Variants in RAB28 observed in about 807,000 individuals in gnomAD.
RAB28 encodes the protein ras-related protein Rab-28.
A neutral mutation model predicts 31.7 loss-of-function variants in RAB28; 24 were observed. That is an observed-to-expected ratio of 0.76 (90% CI 0.55 to 1.06). RAB28 has a LOEUF of 1.06. Among genes scored for constraint, RAB28 ranks in the 50% least tolerant of loss-of-function variants. RAB28 has a pLI of 0.00. For synonymous variants in RAB28, 100 were observed against 90.4 expected (o/e 1.11, Z -0.60); for missense variants, 254 against 258.5 (o/e 0.98, Z 0.12).
intron 4 of RAB28, among the ~76,000 whole-genome samples, chr4:13,387,331 T>C (rs1489716347): frequency 1.3e-5 from 2 of 152,114 alleles, no homozygotes; most frequent in Non-Finnish European, 2.9e-5. Context: ...TCTGGTCATC[T>C]CACATGTAAT....
At chr4:13,461,579 G>A (rs758622116) in intron 3 of RAB28, among the ~76,000 whole-genome samples, 2 of 152,128 alleles carry the variant, frequency 1.3e-5, no homozygotes, top group African/African-American at 4.8e-5. Flanking sequence ...AAAACTGGAC[G>A]TAATACTGTA....
chr4:13,445,436 G>A (rs1156679251), intron 4 of RAB28, among the ~76,000 whole-genome samples: 1 of 152,118 alleles, frequency 6.6e-6, no homozygotes, highest in Non-Finnish European at 1.5e-5. Context: ...TGGAGGAAAA[G>A]AGGCATTCTG....
intron 4 of RAB28, among the ~76,000 whole-genome samples, chr4:13,405,108 G>T (rs1250544902): frequency 2.0e-5 from 3 of 152,042 alleles, no homozygotes; most frequent in Non-Finnish European, 4.4e-5. Context: ...AGAAGTAAAT[G>T]GTTTGTGCTG....
chr4:13,454,185 T>C (rs536734778), intron 4 of RAB28, among the ~76,000 whole-genome samples: 5 of 152,198 alleles, frequency 3.3e-5, no homozygotes, highest in Non-Finnish European at 5.9e-5. Flanking sequence ...AGATTTCTGA[T>C]TGGTTATGGG....
chr4:13,467,750 G>C (rs1371150516), intron 3 of RAB28, among the ~76,000 whole-genome samples: 1 of 151,752 alleles, frequency 6.6e-6, no homozygotes, highest in Non-Finnish European at 1.5e-5. Flanking sequence ...GCAAAGAATA[G>C]AAAACAAACA....
chr4:13,382,379 T>C (rs532320794), intron 4 of RAB28, among the ~76,000 whole-genome samples: 2 of 152,022 alleles, frequency 1.3e-5, no homozygotes, highest in South Asian at 2.1e-4. Flanking sequence ...ATAAGGCAAA[T>C]ATATTCACAG....
intron 4 of RAB28, among the ~76,000 whole-genome samples, chr4:13,383,852 G>T (rs1429881554): frequency 6.6e-6 from 1 of 152,184 alleles, no homozygotes; most frequent in Non-Finnish European, 1.5e-5. Flanking sequence ...AGACCTGAAT[G>T]ATGCAGGGCA....
intron 4 of RAB28, among the ~76,000 whole-genome samples, chr4:13,445,300 A>T (rs1312961497): frequency 6.6e-6 from 1 of 151,680 alleles, no homozygotes. Context: ...AATGTTCATA[A>T]CTTCTTTGCA....
At chr4:13,461,687 G>T (rs1715597824) in intron 3 of RAB28, among the ~76,000 whole-genome samples, 1 of 152,142 alleles carries the variant, frequency 6.6e-6, no homozygotes, top group Non-Finnish European at 1.5e-5. Flanking sequence ...TGTGTGGGAA[G>T]GAGAAGTATA....
chr4:13,449,960 C>T (rs908644866), intron 4 of RAB28, among the ~76,000 whole-genome samples: 10 of 151,662 alleles, frequency 6.6e-5, no homozygotes, highest in African/African-American at 4.8e-5. Context: ...AAAGGCATAA[C>T]GGATTAAAGA....
intron 4 of RAB28, among the ~76,000 whole-genome samples, chr4:13,431,962 A>G (rs1469893973): frequency 6.6e-6 from 1 of 152,160 alleles, no homozygotes; most frequent in African/African-American, 2.4e-5. Context: ...AATGTCTCAA[A>G]TAACAGATGA....
chr4:13,379,893 A>G (rs73229638), intron 5 of RAB28, among the ~76,000 whole-genome samples: 2,111 of 152,334 alleles, frequency 0.014, 28 homozygotes, highest in Middle Eastern at 0.044. Flanking sequence ...AAGTAATTTC[A>G]TAAGAACAAA....
chr4:13,441,933 T>C (rs1427759890), intron 4 of RAB28, among the ~76,000 whole-genome samples: 2 of 152,310 alleles, frequency 1.3e-5, no homozygotes, highest in African/African-American at 4.8e-5. Context: ...CGTCCTCTAT[T>C]GTTGACATCA....
At chr4:13,444,403 A>G (rs1714593463) in intron 4 of RAB28, among the ~76,000 whole-genome samples, 1 of 152,002 alleles carries the variant, frequency 6.6e-6, no homozygotes, top group Non-Finnish European at 1.5e-5. Context: ...TATGCGCCAC[A>G]TTTTCTTTAT....
intron 4 of RAB28, among the ~76,000 whole-genome samples, chr4:13,401,374 T>C (rs958727032): frequency 3.9e-5 from 6 of 152,110 alleles, no homozygotes; most frequent in African/African-American, 1.4e-4. Flanking sequence ...CCATGGCCTG[T>C]TGCGGGGAGG....
chr4:13,371,825 A>G (rs2108873684), intron 6 of RAB28: 1 of 1,547,514 alleles, frequency 6.5e-7, no homozygotes, highest in Non-Finnish European at 8.7e-7. Flanking sequence ...AGCACACTCG[A>G]TTATTCTCTA....
chr4:13,468,768 C>A, intron 3 of RAB28, among the ~76,000 whole-genome samples: 1 of 147,054 alleles, frequency 6.8e-6, no homozygotes, highest in Non-Finnish European at 1.5e-5. Context: ...TCAACAAAGC[C>A]AAAAGCTGTT....
At chr4:13,470,487 A>C (rs924611322) in intron 3 of RAB28, among the ~76,000 whole-genome samples, 5 of 152,054 alleles carry the variant, frequency 3.3e-5, no homozygotes, top group African/African-American at 1.2e-4. Flanking sequence ...GTGTGGGGCC[A>C]CTGGCACACA....
Position 13,484,207 on chromosome 4 carries a change from G to C in RAB28, c.-57C>G, listed in dbSNP as rs183469768. The stretch of plus-strand genomic sequence containing the variant: ...GTGGGGGGGGAAGGGAAGGATGAAG[G>C]CTCCGGGGGCGGGGGAGAGGAGGAA... On this transcript the variant is annotated 5_prime_UTR_variant, in exon 1 of 7. Coordinates refer to ENST00000330852, the MANE Select transcript of RAB28 (RefSeq NM_001017979.3). 3,873 of 1,409,488 alleles carry C rather than the reference G, an allele frequency of 2.7e-3. 77 individuals carry two copies. The African/African-American group carries it at 0.047, about 17-fold the overall frequency. 87.3% of individuals were successfully genotyped at this position (1,409,488 alleles called of 1,614,324 possible).
Sources: gnomAD v4.1 joint callset for allele counts (sites outside exome capture counted in the v4.1 genomes callset) on GRCh38, gnomAD v4.1.1 for gene constraint, MANE v1.5 for transcripts, NCBI Gene and HGNC (gene_info 2026-07-23, HGNC 2026-07-21) for gene names.